CPEB3: variants seen among roughly 807,000 people sequenced by gnomAD.
CPEB3 encodes cytoplasmic polyadenylation element binding protein 3.
Under a neutral mutation model 67.2 loss-of-function variants are expected in CPEB3, and 20 were observed. The observed-to-expected ratio is 0.30, with a 90% confidence interval of 0.21 to 0.43. CPEB3 has a LOEUF of 0.43. Ranked by LOEUF, CPEB3 falls within the 20% of genes least tolerant of loss-of-function variation. The pLI is 1.00. For missense variants in CPEB3, 746 were observed against 968.6 expected, an observed-to-expected ratio of 0.77 and a Z score of 3.05; for synonymous variants, 376 against 393.1, an observed-to-expected ratio of 0.96 and a Z score of 0.51.
chr10:92,072,641 T>C (rs1387038384), intron 9 of CPEB3, among the ~76,000 whole-genome samples: 1 of 152,222 alleles, frequency 6.6e-6, no homozygotes, highest in Non-Finnish European at 1.5e-5. Context: ...TAGACCCAGA[T>C]CTCTGAATTC....
intron 4 of CPEB3, 61 bp from the exon 5 acceptor site, chr10:92,145,146 T>C (rs1436865549): frequency 1.3e-6 from 2 of 1,592,654 alleles, no homozygotes. Flanking sequence ...ATAATTAAAA[T>C]GATTTTCTAG....
chr10:92,251,173 T>A (rs1027081815), intron 1 of CPEB3, among the ~76,000 whole-genome samples: 1 of 152,190 alleles, frequency 6.6e-6, no homozygotes, highest in African/African-American at 2.4e-5. Flanking sequence ...ATACAGCCTA[T>A]GTGGGTAGTA....
intron 2 of CPEB3, among the ~76,000 whole-genome samples, chr10:92,210,835 C>T (rs1213762047): frequency 6.6e-6 from 1 of 151,294 alleles, no homozygotes; most frequent in Non-Finnish European, 1.5e-5. Context: ...GTCAGGAGTT[C>T]GAGACCAGCC....
rs540235065 is a variant in CPEB3 at position 92,282,066 on chromosome 10, A to G, written c.-12+8860T>C. Among the ~76,000 whole-genome samples the G allele has an allele frequency of 4.6e-5, 7 of 152,230 alleles. No homozygotes were observed. The East Asian group carries it at 1.4e-3, about 29-fold the overall frequency. ...AAGCAAAATAATTCTTTACATATAC[A>G]TTTTCTTATAAAATTGATACTTCAG... On this transcript the variant is annotated intron_variant, in intron 1 of 9. Coordinates refer to ENST00000265997, the MANE Select transcript of CPEB3 (RefSeq NM_014912.5).
chr10:92,179,610 T>C (rs769615697), intron 4 of CPEB3, among the ~76,000 whole-genome samples: 1 of 152,256 alleles, frequency 6.6e-6, no homozygotes, highest in Non-Finnish European at 1.5e-5. Context: ...AAATTTAAAG[T>C]GACCTTTCAT....
intron 6 of CPEB3, among the ~76,000 whole-genome samples, chr10:92,131,702 A>G (rs1845849063): frequency 6.6e-6 from 1 of 152,200 alleles, no homozygotes; most frequent in African/African-American, 2.4e-5. Flanking sequence ...TTCTGAAATA[A>G]ACTGCCTCCC....
At chr10:92,176,433 T>C (rs913099871) in intron 4 of CPEB3, among the ~76,000 whole-genome samples, 2 of 152,256 alleles carry the variant, frequency 1.3e-5, no homozygotes, top group African/African-American at 4.8e-5. Context: ...AAAGAGGGAA[T>C]GGGATCTACC....
intron 9 of CPEB3, among the ~76,000 whole-genome samples, chr10:92,068,680 G>A (rs761897442): frequency 1.3e-5 from 2 of 152,172 alleles, no homozygotes; most frequent in Non-Finnish European, 2.9e-5. Context: ...TATTAAAAAT[G>A]ATCACAAGTC....
intron 4 of CPEB3, among the ~76,000 whole-genome samples, chr10:92,165,373 G>A (rs973577948): frequency 6.7e-6 from 1 of 148,530 alleles, no homozygotes; most frequent in Non-Finnish European, 1.5e-5. Flanking sequence ...ACGATCATCT[G>A]TGCATTCAGC....
At chr10:92,196,322 T>C (rs1278258478) in intron 2 of CPEB3, among the ~76,000 whole-genome samples, 1 of 152,194 alleles carries the variant, frequency 6.6e-6, no homozygotes, top group Admixed American at 6.5e-5. Flanking sequence ...TTTGCAGTCT[T>C]CTGATTTACT....
intron 1 of CPEB3, among the ~76,000 whole-genome samples, chr10:92,246,548 C>T (rs1353168746): frequency 6.7e-6 from 1 of 149,600 alleles, no homozygotes; most frequent in African/African-American, 2.5e-5. Flanking sequence ...CACTCTGTTG[C>T]CCAGGCTGGA....
At chr10:92,269,323 C>T (rs1853198511) in intron 1 of CPEB3, among the ~76,000 whole-genome samples, 1 of 151,922 alleles carries the variant, frequency 6.6e-6, no homozygotes, top group Non-Finnish European at 1.5e-5. Context: ...TATTAAAATA[C>T]TATAGGAAGT....
intron 2 of CPEB3, among the ~76,000 whole-genome samples, chr10:92,222,503 G>A (rs1481153533): frequency 4.6e-5 from 7 of 152,230 alleles, no homozygotes; most frequent in East Asian, 3.9e-4. Flanking sequence ...TATTCAAAAC[G>A]TTATCAAAGT....
At chr10:92,280,049 C>T (rs1842191940) in intron 1 of CPEB3, among the ~76,000 whole-genome samples, 1 of 150,856 alleles carries the variant, frequency 6.6e-6, no homozygotes, top group Non-Finnish European at 1.5e-5. Context: ...GAGAAAGAGA[C>T]AGAGAGAGAG....
intron 4 of CPEB3, among the ~76,000 whole-genome samples, chr10:92,165,977 G>A (rs143559447): frequency 1.3e-5 from 2 of 152,238 alleles, no homozygotes; most frequent in South Asian, 2.1e-4. Context: ...TTTTGACCTC[G>A]TCCAATGAAT....
chr10:92,060,839 T>C (rs973042375), intron 9 of CPEB3, among the ~76,000 whole-genome samples: 3 of 152,048 alleles, frequency 2.0e-5, no homozygotes, highest in African/African-American at 7.2e-5. Flanking sequence ...GTTAAAATGG[T>C]TTATATCCAA....
chr10:92,129,782 C>T (rs1845761002), intron 6 of CPEB3, among the ~76,000 whole-genome samples: 1 of 152,172 alleles, frequency 6.6e-6, no homozygotes, highest in Admixed American at 6.5e-5. Context: ...TAGCTCACGC[C>T]TGTAATCCCA....
chr10:92,255,179 C>A (rs1405346896), intron 1 of CPEB3, among the ~76,000 whole-genome samples: 2 of 152,178 alleles, frequency 1.3e-5, no homozygotes. Flanking sequence ...CACAATTAAT[C>A]CCTCCTTCTG....
At chr10:92,200,210 C>T (rs781402061) in intron 2 of CPEB3, among the ~76,000 whole-genome samples, 8 of 152,138 alleles carry the variant, frequency 5.3e-5, no homozygotes, top group Non-Finnish European at 8.8e-5. Flanking sequence ...GTCTTCCATG[C>T]AATAAATTCT....
Sources: allele counts gnomAD v4.1 joint callset (sites outside exome capture counted in the v4.1 genomes callset), GRCh38; gene constraint gnomAD v4.1.1; transcripts MANE v1.5; gene names NCBI Gene and HGNC (gene_info 2026-07-23, HGNC 2026-07-21).